MARK2: variants seen among roughly 807,000 people sequenced by gnomAD.
The protein encoded by MARK2 is serine/threonine-protein kinase MARK2.
Under a neutral mutation model 89.8 loss-of-function variants are expected in MARK2, and 16 were observed. The observed-to-expected ratio is 0.18, with a 90% CI of 0.12 to 0.27. The LOEUF (loss-of-function observed/expected upper bound fraction) is 0.27, where lower values mean the gene tolerates loss of function less well. MARK2 is among the 10% of genes least tolerant of loss of function. The pLI, the probability that MARK2 is intolerant of heterozygous loss-of-function variation, is 1.00. For missense variants in MARK2, 621 were observed against 1,049.9 expected (o/e 0.59, Z 5.65); for synonymous variants, 382 against 399.5 (o/e 0.96, Z 0.52).
intron 1 of MARK2, among the ~76,000 whole-genome samples, chr11:63,892,608 G>A (rs904581979): frequency 4.6e-5 from 7 of 152,088 alleles, no homozygotes; most frequent in Non-Finnish European, 8.8e-5. Context: ...GCTCTGGATG[G>A]TTCTGGGATG....
At chr11:63,885,069 G>T (rs1268401520) in intron 1 of MARK2, among the ~76,000 whole-genome samples, 1 of 152,186 alleles carries the variant, frequency 6.6e-6, no homozygotes, top group Non-Finnish European at 1.5e-5. Context: ...CGGGCTTGGT[G>T]GCCCATGCCT....
At position 63,904,006 on chromosome 11, in the gene MARK2, G is replaced by A. The variant is rs184840760; in HGVS notation, c.1535G>A (p.Arg512Gln). ...GKDSLTMPGS[R>Q]ASTASASAAV... is the part of the protein sequence containing the mutation. The stretch of plus-strand genomic sequence containing the variant: ...CCTAGCCTAACCATGCCAGGGTCCC[G>A]GGCCTCCACGGCTTCTGCTTCTGCC... Residue 512 changes from arginine to glutamine, a missense_variant, in exon 15 of 19, where the codon CGG becomes CAG. Arg to Gln is a conservative substitution (Grantham distance 43). This residue lies in a region of MARK2 where 397 missense variants were observed against 567.8 expected (regional missense o/e 0.70). Transcript: ENST00000402010. This position sits in a 1 kb window ranked among gnomAD's most constrained non-coding sequence, Gnocchi z 6.3. The A allele has an allele frequency of 1.1e-5, 17 of 1,607,778 alleles. No homozygotes were observed. The highest frequency in any genetic ancestry group is 1.7e-5 in the Admixed American group (1 of 59,300).
intron 1 of MARK2, among the ~76,000 whole-genome samples, chr11:63,857,231 A>T (rs1326851918): frequency 6.6e-6 from 1 of 152,100 alleles, no homozygotes; most frequent in Non-Finnish European, 1.5e-5. Flanking sequence ...TGGTGGCACG[A>T]TGTTGGCTCA....
At chr11:63,899,478 C>A (rs965969443) in intron 7 of MARK2, among the ~76,000 whole-genome samples, 3 of 152,200 alleles carry the variant, frequency 2.0e-5, no homozygotes, top group Non-Finnish European at 1.5e-5. Context: ...AGTTCCACAG[C>A]TGTATCCCAG....
intron 1 of MARK2, among the ~76,000 whole-genome samples, chr11:63,852,358 C>A (rs1340271300): frequency 1.3e-5 from 2 of 152,152 alleles, no homozygotes; most frequent in African/African-American, 4.8e-5. Flanking sequence ...GAAATCCCAG[C>A]ATTTTCCTGG....
chr11:63,874,728 T>C (rs1488086353), intron 1 of MARK2, among the ~76,000 whole-genome samples: 1 of 152,162 alleles, frequency 6.6e-6, no homozygotes, highest in East Asian at 1.9e-4. Flanking sequence ...CAGCAGAACT[T>C]GTCGGCCCAG....
At position 63,898,938 on chromosome 11, in the gene MARK2, G is replaced by C. The variant is rs1328401409; in HGVS notation, c.474+105G>C. 4.1e-5 allele frequency: 51 copies of C among 1,242,674 alleles called. 1 individual carries two copies. The highest frequency in any genetic ancestry group is 2.4e-6 in the Non-Finnish European group (2 of 843,304). 77.0% of individuals were successfully genotyped at this position (1,242,674 alleles called of 1,614,324 possible). Reference sequence around the variant, plus strand: ...GTAAGTGGCCCTTGGAGGGTACTTTGGGCTCTGCTTATCCGTGTGGCAGGT... The same window carrying C: ...GTAAGTGGCCCTTGGAGGGTACTTTCGGCTCTGCTTATCCGTGTGGCAGGT... On this transcript the variant is annotated intron_variant, in intron 6 of 18. Coordinates refer to ENST00000402010, the MANE Select transcript of MARK2 (RefSeq NM_001039469.3).
rs184962934 is a variant in MARK2, at chr11:63,869,608, C to A, written c.55-25551C>A. Among the ~76,000 whole-genome samples, 5 of 152,128 alleles carry A rather than the reference C, an allele frequency of 3.3e-5. No homozygotes were observed. The East Asian group carries it at 9.7e-4, about 29-fold the overall frequency. On this transcript the variant is annotated intron_variant, in intron 1 of 18. Transcript: ENST00000402010. ...GGGAGATGATCCTTCTTGAGGGCACCCTGAGTTCAGGGTTGTCATGTTTCT... is the reference window on the plus strand; with the variant it reads ...GGGAGATGATCCTTCTTGAGGGCACACTGAGTTCAGGGTTGTCATGTTTCT...
rs913291867 is a variant in MARK2 at position 63,906,035 on chromosome 11, GTTT to G, written c.1935-45_1935-43del. On this transcript the variant is annotated intron_variant, in intron 16 of 18. Coordinates refer to ENST00000402010, the MANE Select transcript of MARK2 (RefSeq NM_001039469.3). ...TGCTTATCCACATACCGTCTTGTTG[GTTT>G]TTTTTTTATTTCTTTTTTTATTTTG... 252 of 1,214,786 alleles carry G rather than the reference GTTT, an allele frequency of 2.1e-4. 2 individuals carry two copies. The highest frequency in any genetic ancestry group is 2.6e-4 in the Non-Finnish European group (243 of 937,114). 75.3% of individuals were successfully genotyped at this position (1,214,786 alleles called of 1,614,324 possible).
intron 1 of MARK2, among the ~76,000 whole-genome samples, chr11:63,867,211 A>G (rs1190321265): frequency 6.6e-6 from 1 of 152,174 alleles, no homozygotes; most frequent in Non-Finnish European, 1.5e-5. Context: ...CGTTTTTTGT[A>G]GAGACAGGGT....
chr11:63,855,907 A>G (rs1436904624), intron 1 of MARK2, among the ~76,000 whole-genome samples: 1 of 152,238 alleles, frequency 6.6e-6, no homozygotes, highest in Non-Finnish European at 1.5e-5. Flanking sequence ...TTTATTTTAA[A>G]AAGATTATTA....
At chr11:63,901,265 G>T (rs996095082) in intron 11 of MARK2, among the ~76,000 whole-genome samples, 196 bp downstream of exon 11, 1 of 152,146 alleles carries the variant, frequency 6.6e-6, no homozygotes, top group African/African-American at 2.4e-5. Flanking sequence ...ATAGAAAGCT[G>T]GTAGGGTCGG....
chr11:63,894,340 C>G (rs1338517674), intron 1 of MARK2, among the ~76,000 whole-genome samples: 1 of 152,218 alleles, frequency 6.6e-6, no homozygotes, highest in East Asian at 1.9e-4. Flanking sequence ...ACGCGGGAGA[C>G]TCGGGTTCGA....
intron 16 of MARK2, among the ~76,000 whole-genome samples, 178 bp from the exon 17 acceptor site, chr11:63,905,908 CAG>C (rs1276769026): frequency 1.3e-5 from 2 of 152,212 alleles, no homozygotes; most frequent in African/African-American, 4.8e-5. Flanking sequence ...GTGAGGCCTG[CAG>C]AGAGTGTGGG....
chr11:63,864,656 C>G (rs1246449700), intron 1 of MARK2, among the ~76,000 whole-genome samples: 1 of 151,688 alleles, frequency 6.6e-6, no homozygotes, highest in Non-Finnish European at 1.5e-5. Context: ...CTTGGCCTCC[C>G]AAAGTGTTGA....
At chr11:63,891,527 C>T (rs939076289) in intron 1 of MARK2, among the ~76,000 whole-genome samples, 5 of 152,142 alleles carry the variant, frequency 3.3e-5, no homozygotes, top group Non-Finnish European at 5.9e-5. Context: ...CATGGGATGC[C>T]CAGATTTGGT....
At chr11:63,879,904 C>T (rs1938988807) in intron 1 of MARK2, among the ~76,000 whole-genome samples, 1 of 152,134 alleles carries the variant, frequency 6.6e-6, no homozygotes, top group African/African-American at 2.4e-5. Context: ...AGTATTTGTT[C>T]ACTTCCAGAG....
intron 17 of MARK2, among the ~76,000 whole-genome samples, chr11:63,907,860 A>G (rs1941470053): frequency 6.6e-6 from 1 of 152,096 alleles, no homozygotes; most frequent in African/African-American, 2.4e-5. Context: ...GGCTCCAAAA[A>G]CGCACTCACA....
At chr11:63,898,395 C>T in intron 4 of MARK2, 115 bp downstream of exon 4, 1 of 1,085,230 alleles carries the variant, frequency 9.2e-7, no homozygotes, top group Non-Finnish European at 1.4e-6. Context: ...TTCAAGGATA[C>T]CCCTGGGGAA....
Sources: allele counts gnomAD v4.1 joint callset (sites outside exome capture counted in the v4.1 genomes callset), GRCh38; gene constraint gnomAD v4.1.1; regional missense constraint gnomAD v4.1.1; non-coding constraint Gnocchi (gnomAD v3.1); transcripts MANE v1.5; gene names NCBI Gene and HGNC (gene_info 2026-07-23, HGNC 2026-07-21).